Variants in TSPAN9 observed in about 807,000 individuals in gnomAD.
The protein encoded by TSPAN9 is tetraspanin-9.
Under a neutral mutation model 31.0 loss-of-function variants are expected in TSPAN9, and 16 were observed. That is an observed-to-expected ratio of 0.52 (90% CI 0.35 to 0.78). The LOEUF (loss-of-function observed/expected upper bound fraction) is 0.78. TSPAN9 is among the 30% of genes least tolerant of loss of function. TSPAN9 has a pLI of 0.01. For missense variants in TSPAN9, 272 were observed against 312.5 expected (o/e 0.87, Z 0.98); for synonymous variants, 145 against 121.6 (o/e 1.19, Z -1.27).
At chr12:3,118,260 T>TTTTTTTG (rs2098323431) in intron 2 of TSPAN9, among the ~76,000 whole-genome samples, 1 of 71,264 alleles carries the variant, frequency 1.4e-5, no homozygotes. Context: ...CCCGCCGTTT[T>TTTTTTTG]TTTTTTTTTT....
intron 2 of TSPAN9, among the ~76,000 whole-genome samples, chr12:3,165,902 A>G (rs930380793): frequency 3.9e-5 from 6 of 152,216 alleles, no homozygotes; most frequent in East Asian, 1.9e-4. Context: ...AGCCTCATGC[A>G]GGGGACGGGC....
intron 2 of TSPAN9, among the ~76,000 whole-genome samples, chr12:3,161,653 C>T (rs925158828): frequency 6.6e-6 from 1 of 152,208 alleles, no homozygotes; most frequent in Non-Finnish European, 1.5e-5. Context: ...CCAGCCCCTG[C>T]TTCTCAGCCT....
At chr12:3,102,351 C>T (rs2098312249) in intron 2 of TSPAN9, among the ~76,000 whole-genome samples, 1 of 151,914 alleles carries the variant, frequency 6.6e-6, no homozygotes, top group South Asian at 2.1e-4. Context: ...TGGTCTCGAA[C>T]TCCTGGCCTG....
intron 3 of TSPAN9, among the ~76,000 whole-genome samples, chr12:3,207,521 G>A (rs1286775116): frequency 5.3e-5 from 8 of 152,240 alleles, no homozygotes; most frequent in Admixed American, 3.9e-4. Flanking sequence ...GCACAAGGTC[G>A]AGATGTGGCT....
At chr12:3,200,682 G>T (rs985307872) in intron 2 of TSPAN9, 2 of 152,486 alleles carry the variant, frequency 1.3e-5, no homozygotes, top group South Asian at 2.1e-4. Flanking sequence ...TCGCGAGCGC[G>T]CAGAGAGCCG....
At chr12:3,240,211 A>T (rs1165948525) in intron 3 of TSPAN9, among the ~76,000 whole-genome samples, 2 of 152,054 alleles carry the variant, frequency 1.3e-5, no homozygotes, top group Non-Finnish European at 2.9e-5. Context: ...ACATCCTGTC[A>T]TTTTACCCAC....
intron 2 of TSPAN9, among the ~76,000 whole-genome samples, chr12:3,194,789 G>A (rs1460826582): frequency 6.6e-6 from 1 of 152,162 alleles, no homozygotes; most frequent in South Asian, 2.1e-4. Context: ...CACCATCGAT[G>A]TTACCGTCCT....
intron 2 of TSPAN9, among the ~76,000 whole-genome samples, chr12:3,108,874 A>G (rs554298089): frequency 7.7e-4 from 117 of 151,422 alleles, no homozygotes; most frequent in African/African-American, 2.8e-3. Context: ...TTTTGGTTTC[A>G]TGGGTACAAT....
At chr12:3,091,750 G>T (rs1344428511) in intron 2 of TSPAN9, among the ~76,000 whole-genome samples, 1 of 152,172 alleles carries the variant, frequency 6.6e-6, no homozygotes, top group African/African-American at 2.4e-5. Context: ...TTTTAGTAAA[G>T]AAATGTTTTG....
At chr12:3,130,029 G>A (rs2098329124) in intron 2 of TSPAN9, among the ~76,000 whole-genome samples, 1 of 152,256 alleles carries the variant, frequency 6.6e-6, no homozygotes, top group Non-Finnish European at 1.5e-5. Flanking sequence ...TCACCGATGT[G>A]TGGGACAAAC....
At chr12:3,177,264 A>T (rs1283166842) in intron 2 of TSPAN9, among the ~76,000 whole-genome samples, 20 of 152,042 alleles carry the variant, frequency 1.3e-4, no homozygotes, top group Admixed American at 1.3e-3. Context: ...CAGCCTCCCA[A>T]GTAGCTGGGA....
At chr12:3,251,416 A>C (rs1330477172) in intron 3 of TSPAN9, among the ~76,000 whole-genome samples, 1 of 146,812 alleles carries the variant, frequency 6.8e-6, no homozygotes, top group Non-Finnish European at 1.5e-5. Context: ...TCGACTAATG[A>C]TGGTCATGTC....
rs113173670 is a variant in TSPAN9 at position 3,171,500 on chromosome 12, A to T, written c.-17-29677A>T. ...TGCTGTCCCCTCTCTCATTCATCAG[A>T]CCCACCTATCCTTCCTGTGTTGTTA... is the stretch of plus-strand genomic sequence containing the variant. On this transcript the variant is annotated intron_variant, in intron 2 of 8. Coordinates refer to ENST00000011898, the MANE Select transcript of TSPAN9 (RefSeq NM_006675.5). 3.7e-3 allele frequency among the ~76,000 whole-genome samples: 566 copies of T among 152,190 alleles called. 2 individuals are homozygous for T. Among genetic ancestry groups the T allele is most frequent in the African/African-American group, 0.012 (515 of 41,514 alleles).
intron 4 of TSPAN9, 123 bp downstream of exon 4, chr12:3,278,735 T>C: frequency 7.6e-7 from 1 of 1,307,968 alleles, no homozygotes; most frequent in Non-Finnish European, 1.0e-6. Flanking sequence ...GGGAAACTGC[T>C]TCTAGAACGT....
chr12:3,206,288 A>G (rs2098375127), intron 3 of TSPAN9: 1 of 455,930 alleles, frequency 2.2e-6, no homozygotes. Context: ...AGGATCCTCC[A>G]GTTGGTGAGA....
At chr12:3,155,064 T>G (rs529799179) in intron 2 of TSPAN9, among the ~76,000 whole-genome samples, 60 of 152,268 alleles carry the variant, frequency 3.9e-4, no homozygotes, top group African/African-American at 1.3e-3. Flanking sequence ...ACTTCTGATT[T>G]TTGGGTAAAA....
intron 3 of TSPAN9, among the ~76,000 whole-genome samples, chr12:3,256,006 G>A (rs1025153235): frequency 7.2e-5 from 11 of 152,208 alleles, no homozygotes; most frequent in Non-Finnish European, 1.6e-4. Flanking sequence ...AGGGCTGTTA[G>A]CTGGTCACCC....
chr12:3,088,670 A>G (rs1029892258), intron 2 of TSPAN9, among the ~76,000 whole-genome samples: 4 of 152,160 alleles, frequency 2.6e-5, no homozygotes, highest in Non-Finnish European at 2.9e-5. Context: ...GGGTTGGTGG[A>G]ACTTTTTCTT....
intron 2 of TSPAN9, among the ~76,000 whole-genome samples, chr12:3,118,236 G>A (rs375934317): frequency 5.2e-5 from 5 of 97,030 alleles, no homozygotes; most frequent in Admixed American, 2.5e-4. Flanking sequence ...ACCTGATTCC[G>A]CACCGCCCCT....
Sources: allele counts gnomAD v4.1 joint callset (sites outside exome capture counted in the v4.1 genomes callset), GRCh38; gene constraint gnomAD v4.1.1; transcripts MANE v1.5; gene names NCBI Gene and HGNC (gene_info 2026-07-23, HGNC 2026-07-21).